The following SFXN2 variants were observed in gnomAD, a reference collection of about 807,000 sequenced individuals.
SFXN2 encodes sideroflexin 2.
SFXN2 carries 37 observed loss-of-function variants against 41.9 expected under a neutral mutation model. The ratio of observed to expected loss-of-function variants is 0.88; its 90% CI spans 0.68 to 1.16. The LOEUF is 1.16. Ranked by LOEUF, SFXN2 falls within the 50% of genes most tolerant of loss-of-function variation. The pLI, the probability that SFXN2 is intolerant of heterozygous loss-of-function variation, is 0.00. For synonymous variants in SFXN2, 150 were observed against 156.7 expected, an observed-to-expected ratio of 0.96 and a Z score of 0.32; for missense variants, 386 against 425.2, an observed-to-expected ratio of 0.91 and a Z score of 0.81.
At chr10:102,735,801 G>T in intron 10 of SFXN2, 61 bp from the exon 11 acceptor site, 1 of 1,564,650 alleles carries the variant, frequency 6.4e-7, no homozygotes, top group East Asian at 2.2e-5. Context: ...CCTTGGGGAT[G>T]GGGGATGGAC....
At chr10:102,726,281 C>T (rs955971216) in intron 1 of SFXN2, among the ~76,000 whole-genome samples, 1 of 152,186 alleles carries the variant, frequency 6.6e-6, no homozygotes, top group Non-Finnish European at 1.5e-5. Flanking sequence ...TTTCCCATCT[C>T]CCCTGCCAGA....
chr10:102,733,664 C>T, intron 10 of SFXN2, 61 bp downstream of exon 10: 2 of 1,389,054 alleles, frequency 1.4e-6, no homozygotes, highest in South Asian at 2.3e-5. Context: ...GATGTGTCGT[C>T]TTGTCTAGCC....
chr10:102,726,820 G>A (rs374541055), intron 2 of SFXN2, 23 bp downstream of exon 2: 34 of 1,613,428 alleles, frequency 2.1e-5, no homozygotes, highest in Admixed American at 3.3e-5. Context: ...GGAAGGGGCT[G>A]GAAGTAGTAG....
At position 102,739,074 on chromosome 10, in the gene SFXN2, C is replaced by T. The variant is rs2064819752; in HGVS notation, c.*1312C>T. On this transcript the variant is annotated 3_prime_UTR_variant, in exon 12 of 12. Coordinates refer to ENST00000369893, the MANE Select transcript of SFXN2 (RefSeq NM_178858.6). ...CAAGCTCCTTGGGGGACTGTTGTTT[C>T]TCATCTGGAATCAATGTGTGTATGA... The T allele has an allele frequency of 6.6e-6, 1 of 152,430 alleles. No individual in the cohort carries two copies. Among genetic ancestry groups the T allele is most frequent in the Non-Finnish European group, 1.5e-5 (1 of 68,034 alleles). The allele number at this position is 152,430 out of a possible 1,614,324, so 9.4% of individuals were successfully genotyped here. A position where few individuals can be genotyped will look rare whatever the true frequency, so the allele number is the denominator to read the frequency against.
At chr10:102,737,516 A>G in intron 11 of SFXN2, 147 bp from the exon 12 acceptor site, 1 of 575,344 alleles carries the variant, frequency 1.7e-6, no homozygotes, top group Non-Finnish European at 3.2e-6. Flanking sequence ...AGGCCTGCGT[A>G]ATGGTAAAGC....
rs183487825 is a variant in SFXN2, at chr10:102,737,960, T to C, written c.*198T>C. ...CTCAGGGGAAAAAAGTGAAAAAGGG[T>C]AGCAAAGGCCAATGTCTTCTAGCTG... is the stretch of plus-strand genomic sequence containing the variant. On this transcript the variant is annotated 3_prime_UTR_variant, in exon 12 of 12. Coordinates refer to ENST00000369893, the MANE Select transcript of SFXN2 (RefSeq NM_178858.6). The C allele has an allele frequency of 3.3e-5, 13 of 392,098 alleles. No homozygotes were observed. Among genetic ancestry groups the C allele is most frequent in the Non-Finnish European group, 5.6e-5 (12 of 214,436 alleles). The allele number at this position is 392,098 out of a possible 1,614,324, so 24.3% of individuals were successfully genotyped here.
chr10:102,719,695 C>T (rs890644914), intron 1 of SFXN2, among the ~76,000 whole-genome samples: 2 of 152,172 alleles, frequency 1.3e-5, no homozygotes, highest in African/African-American at 4.8e-5. Flanking sequence ...TGAATACCCA[C>T]AGGCTGATGA....
chr10:102,737,535 G>T, intron 11 of SFXN2, 128 bp from the exon 12 acceptor site: 3 of 643,428 alleles, frequency 4.7e-6, no homozygotes, highest in East Asian at 2.6e-5. Flanking sequence ...GCAACATTGT[G>T]GTATACAGAG....
chr10:102,732,999 A>G, intron 9 of SFXN2, 91 bp downstream of exon 9: 5 of 1,303,188 alleles, frequency 3.8e-6, no homozygotes, highest in Non-Finnish European at 5.5e-6. Context: ...TCCCCCACCC[A>G]TCCTTCCCTT....
intron 1 of SFXN2, among the ~76,000 whole-genome samples, chr10:102,716,887 C>G (rs1226256591): frequency 1.3e-5 from 2 of 151,714 alleles, no homozygotes; most frequent in South Asian, 4.2e-4. Flanking sequence ...GGCAAGTAGG[C>G]TATAGTGGAT....
rs902323455 is a variant in SFXN2, at chr10:102,729,819, GC to G, written c.593+15del. The G allele has an allele frequency of 1.9e-6, 3 of 1,613,646 alleles. No individual in the cohort carries two copies. The highest frequency in any genetic ancestry group is 2.5e-6 in the Non-Finnish European group (3 of 1,179,932). ...CATGATGCGACAGCAGTGAGTAAAG[GC>G]CCCTTTTTCTCCCTACAAACCACAA... On this transcript the variant is annotated intron_variant, in intron 6 of 11. Coordinates refer to ENST00000369893, the MANE Select transcript of SFXN2 (RefSeq NM_178858.6).
chr10:102,726,214 C>T (rs1310197183), intron 1 of SFXN2, among the ~76,000 whole-genome samples: 1 of 152,206 alleles, frequency 6.6e-6, no homozygotes, highest in Non-Finnish European at 1.5e-5. Flanking sequence ...TCCCAAAGTA[C>T]TGGGATTACA....
chr10:102,737,565 G>A, intron 11 of SFXN2, 98 bp from the exon 12 acceptor site: 3 of 770,972 alleles, frequency 3.9e-6, no homozygotes, highest in Non-Finnish European at 6.8e-6. Flanking sequence ...AATCCTAGAT[G>A]GAAAAATCAG....
intron 7 of SFXN2, 21 bp from the exon 8 acceptor site, chr10:102,732,131 C>T: frequency 6.2e-7 from 1 of 1,610,196 alleles, no homozygotes; most frequent in Non-Finnish European, 8.5e-7. Flanking sequence ...TTTCTGACAA[C>T]TTACTATTTT....
chr10:102,735,421 G>C (rs947628427), intron 10 of SFXN2, among the ~76,000 whole-genome samples: 1 of 126,482 alleles, frequency 7.9e-6, no homozygotes, highest in African/African-American at 3.1e-5. Context: ...CCTCCATGTC[G>C]CTCCTCCCCC....
At chr10:102,736,263 T>C (rs2064776355) in intron 11 of SFXN2, among the ~76,000 whole-genome samples, 1 of 152,082 alleles carries the variant, frequency 6.6e-6, no homozygotes, top group Non-Finnish European at 1.5e-5. Context: ...CTTTTTTTTT[T>C]TTCTTTTTTT....
At chr10:102,732,055 C>A in intron 7 of SFXN2, 97 bp from the exon 8 acceptor site, 2 of 1,180,156 alleles carry the variant, frequency 1.7e-6, no homozygotes, top group South Asian at 2.9e-5. Context: ...TCCCCTTTAC[C>A]ATCTCAGACT....
At chr10:102,731,917 T>A (rs2064710331) in intron 7 of SFXN2, 134 bp downstream of exon 7, 1 of 835,120 alleles carries the variant, frequency 1.2e-6, no homozygotes, top group South Asian at 1.7e-5. Flanking sequence ...CCCTATCAAA[T>A]TTTCCCCATG....
At chr10:102,729,926 T>G in intron 6 of SFXN2, 118 bp downstream of exon 6, 2 of 1,126,866 alleles carry the variant, frequency 1.8e-6, no homozygotes, top group South Asian at 2.7e-5. Flanking sequence ...GCTGCTGGGC[T>G]GAGCCTCTGA....
Sources: allele counts gnomAD v4.1 joint callset (sites outside exome capture counted in the v4.1 genomes callset), GRCh38; gene constraint gnomAD v4.1.1; transcripts MANE v1.5; gene names NCBI Gene and HGNC (gene_info 2026-07-23, HGNC 2026-07-21).